Variants in NRG1 observed in about 807,000 individuals in gnomAD.
NRG1 encodes neuregulin 1, also known as pro-neuregulin-1, membrane-bound isoform.
Under a neutral mutation model 63.8 loss-of-function variants are expected in NRG1, and 18 were observed. The ratio of observed to expected loss-of-function variants is 0.28; its 90% CI spans 0.19 to 0.42. The LOEUF (loss-of-function observed/expected upper bound fraction) is 0.42, where lower values mean the gene tolerates loss of function less well. NRG1 is among the 10% of genes least tolerant of loss of function. The pLI is 1.00. For missense variants in NRG1, 762 were observed against 814.7 expected, an observed-to-expected ratio of 0.94 and a Z score of 0.79; for synonymous variants, 302 against 301.3, an observed-to-expected ratio of 1.00 and a Z score of -0.02.
At chr8:32,352,011 C>T (rs565429341) in intron 1 of NRG1, among the ~76,000 whole-genome samples, 100 of 151,386 alleles carry the variant, frequency 6.6e-4, no homozygotes, top group African/African-American at 2.1e-3. Flanking sequence ...TTCTTCTTGA[C>T]AAGTGAGGAT....
At chr8:32,015,566 G>A (rs1815389431) in intron 1 of NRG1, among the ~76,000 whole-genome samples, 1 of 152,152 alleles carries the variant, frequency 6.6e-6, no homozygotes, top group African/African-American at 2.4e-5. Context: ...ACACTGGTGT[G>A]TATGTATAAC....
intron 1 of NRG1, among the ~76,000 whole-genome samples, chr8:32,365,600 C>A (rs1375070448): frequency 6.6e-6 from 1 of 152,002 alleles, no homozygotes; most frequent in Non-Finnish European, 1.5e-5. Flanking sequence ...TAAATTAGTA[C>A]ACCTTTTTTC....
intron 5 of NRG1, among the ~76,000 whole-genome samples, chr8:32,704,210 A>G (rs988433077): frequency 6.6e-6 from 1 of 152,228 alleles, no homozygotes; most frequent in African/African-American, 2.4e-5. Flanking sequence ...GGGAGGCCGT[A>G]GAGGTGGGAG....
At chr8:32,327,507 A>T (rs1335739044) in intron 1 of NRG1, among the ~76,000 whole-genome samples, 1 of 152,212 alleles carries the variant, frequency 6.6e-6, no homozygotes, top group Non-Finnish European at 1.5e-5. Flanking sequence ...AGATCCTGAC[A>T]CTTAGTATCC....
intron 1 of NRG1, among the ~76,000 whole-genome samples, chr8:32,324,410 G>T (rs1473488684): frequency 6.6e-6 from 1 of 152,120 alleles, no homozygotes; most frequent in Non-Finnish European, 1.5e-5. Flanking sequence ...GAAGTGTCTT[G>T]CTTGGGCTTG....
chr8:32,133,534 A>C (rs976841342), intron 1 of NRG1, among the ~76,000 whole-genome samples: 2 of 152,142 alleles, frequency 1.3e-5, no homozygotes, highest in African/African-American at 4.8e-5. Context: ...TGGATACCTT[A>C]GTATTGTTTC....
At chr8:31,893,149 G>C (rs1232753340) in intron 1 of NRG1, among the ~76,000 whole-genome samples, 2 of 149,942 alleles carry the variant, frequency 1.3e-5, no homozygotes, top group African/African-American at 4.9e-5. Flanking sequence ...AACCTATTTT[G>C]ATAAATAATA....
At chr8:32,685,563 G>A (rs754361647) in intron 5 of NRG1, among the ~76,000 whole-genome samples, 5 of 152,252 alleles carry the variant, frequency 3.3e-5, no homozygotes, top group Non-Finnish European at 5.9e-5. Context: ...TGGAAACAAC[G>A]TAATAGATTC....
chr8:32,087,004 A>G (rs1476325986), intron 1 of NRG1, among the ~76,000 whole-genome samples: 1 of 152,174 alleles, frequency 6.6e-6, no homozygotes, highest in East Asian at 1.9e-4. Context: ...GACGTAACTG[A>G]AACTACATGC....
intron 7 of NRG1, among the ~76,000 whole-genome samples, chr8:32,744,878 G>A (rs1478597418): frequency 6.6e-6 from 1 of 152,146 alleles, no homozygotes; most frequent in African/African-American, 2.4e-5. Flanking sequence ...CTATGTTTTT[G>A]TGAAGTTCAG....
intron 1 of NRG1, among the ~76,000 whole-genome samples, chr8:31,977,160 G>T (rs1586207682): frequency 6.6e-6 from 1 of 152,090 alleles, no homozygotes; most frequent in Non-Finnish European, 1.5e-5. Context: ...AAAAGCAGCT[G>T]TACAGAACCA....
intron 1 of NRG1, among the ~76,000 whole-genome samples, chr8:32,390,387 C>A (rs1253622294): frequency 2.0e-5 from 3 of 151,972 alleles, no homozygotes; most frequent in African/African-American, 7.2e-5. Flanking sequence ...TTGATACCAA[C>A]CTGGGCAACA....
In NRG1 at chr8:32,525,390, G is replaced by GT. The variant is rs1563584023; in HGVS notation, c.38-70438_38-70437insT. 3.9e-5 allele frequency among the ~76,000 whole-genome samples: 5 copies of GT among 126,594 alleles called. No individual in the cohort carries two copies. The East Asian group carries it at 1.1e-3, about 28-fold the overall frequency. 83.1% of individuals were successfully genotyped at this position (126,594 alleles called of 152,430 possible). ...TATTCTCATCTTAAGCATGAGGTAGGGGTGTGTGTGTGTGTGTGTGTGTGT... is the reference window on the plus strand; with the variant it reads ...TATTCTCATCTTAAGCATGAGGTAGGTGGTGTGTGTGTGTGTGTGTGTGTGT... On this transcript the variant is annotated intron_variant, in intron 1 of 10. Coordinates refer to the NRG1 transcript ENST00000519301.
chr8:32,341,625 G>C (rs1053641130), intron 1 of NRG1, among the ~76,000 whole-genome samples: 1 of 152,190 alleles, frequency 6.6e-6, no homozygotes, highest in Non-Finnish European at 1.5e-5. Context: ...CATAGGCACA[G>C]GCAGGGGAGC....
intron 1 of NRG1, among the ~76,000 whole-genome samples, chr8:31,768,100 A>G (rs1264988109): frequency 1.3e-5 from 2 of 152,156 alleles, no homozygotes; most frequent in African/African-American, 4.8e-5. Context: ...AACCTATTAC[A>G]TCAGAGATTC....
intron 1 of NRG1, among the ~76,000 whole-genome samples, chr8:32,405,044 A>C (rs1222922774): frequency 6.6e-6 from 1 of 152,234 alleles, no homozygotes; most frequent in Non-Finnish European, 1.5e-5. Context: ...TCAAACATGG[A>C]GAAATTGCAG....
At chr8:32,573,732 G>A (rs1024093758) in intron 1 of NRG1, among the ~76,000 whole-genome samples, 21 of 151,658 alleles carry the variant, frequency 1.4e-4, no homozygotes, top group South Asian at 2.1e-4. Context: ...TACATGTGCC[G>A]TGTTGGTGTG....
intron 1 of NRG1, among the ~76,000 whole-genome samples, chr8:32,305,314 G>T (rs368174994): frequency 2.0e-5 from 3 of 152,210 alleles, no homozygotes; most frequent in African/African-American, 7.2e-5. Flanking sequence ...GTTAGTGAAT[G>T]AAGCTTTGTG....
At chr8:31,708,861 G>A (rs1442773490) in intron 1 of NRG1, among the ~76,000 whole-genome samples, 1 of 152,130 alleles carries the variant, frequency 6.6e-6, no homozygotes, top group Non-Finnish European at 1.5e-5. Flanking sequence ...AGGGTTAGGG[G>A]CACCAAACCC....
Sources: gnomAD v4.1 joint callset for allele counts (sites outside exome capture counted in the v4.1 genomes callset) on GRCh38, gnomAD v4.1.1 for gene constraint, MANE v1.5 for transcripts, NCBI Gene and HGNC (gene_info 2026-07-23, HGNC 2026-07-21) for gene names.